TPST2: variants seen among roughly 807,000 people sequenced by gnomAD.
The protein encoded by TPST2 is protein-tyrosine sulfotransferase 2.
TPST2 carries 16 observed loss-of-function variants against 27.8 expected under a neutral mutation model. That is an observed-to-expected ratio of 0.58 (90% CI 0.39 to 0.88). The LOEUF is 0.88. Among genes scored for constraint, TPST2 ranks in the 40% least tolerant of loss-of-function variants. The probability of loss-of-function intolerance (pLI) is 0.00; values close to 1 mark genes in which losing one functional copy is unlikely to be tolerated. For synonymous variants in TPST2, 229 were observed against 231.7 expected, an observed-to-expected ratio of 0.99 and a Z score of 0.10; for missense variants, 464 against 543.1, an observed-to-expected ratio of 0.85 and a Z score of 1.45.
intron 1 of TPST2, among the ~76,000 whole-genome samples, chr22:26,556,483 T>A (rs1039479099): frequency 2.6e-5 from 4 of 152,134 alleles, no homozygotes; most frequent in African/African-American, 9.7e-5. Flanking sequence ...GAGGTTGCAG[T>A]GAGCCGAGAT....
chr22:26,530,186 A>G (rs11090444), intron 5 of TPST2, among the ~76,000 whole-genome samples: 14,895 of 152,078 alleles, frequency 0.098, 1,220 homozygotes, highest in South Asian at 0.3. Flanking sequence ...CGATCCTCCC[A>G]CCTCAGCCTC....
intron 1 of TPST2, among the ~76,000 whole-genome samples, chr22:26,580,538 T>C (rs1569197686): frequency 6.6e-6 from 1 of 152,170 alleles, no homozygotes; most frequent in Non-Finnish European, 1.5e-5. Flanking sequence ...GTTAATTACA[T>C]CCAGAACCCC....
chr22:26,544,528 G>T, intron 2 of TPST2, 76 bp downstream of exon 2: 1 of 819,594 alleles, frequency 1.2e-6, no homozygotes, highest in Non-Finnish European at 1.5e-6. Context: ...GAGGCTGGGG[G>T]CATGGAGGGG....
intron 1 of TPST2, chr22:26,555,253 GT>G (rs1342908120): frequency 1.9e-6 from 1 of 531,540 alleles, no homozygotes; most frequent in South Asian, 1.4e-5. Flanking sequence ...AAGTAATGCA[GT>G]TTTTGCCACT....
chr22:26,546,457 C>A (rs1351598670), intron 1 of TPST2, among the ~76,000 whole-genome samples: 1 of 152,236 alleles, frequency 6.6e-6, no homozygotes, highest in East Asian at 1.9e-4. Context: ...GCTCGCCCAG[C>A]TGCCCTCAGA....
Position 26,541,429 on chromosome 22 carries a change from T to C in TPST2, c.202A>G (p.Met68Val), listed in dbSNP as rs750960747. 1.3e-6 allele frequency: 2 copies of C among 1,584,472 alleles called. No homozygotes were observed. The highest frequency in any genetic ancestry group is 1.7e-6 in the Non-Finnish European group (2 of 1,164,594). ...ACGCCACCCACGAAGATGAGCGGCA[T>C]GGCCTTGCCATAGCGGTATTCCACG... ...NHVEYRYGKA[M>V]PLIFVGGVPR... The change falls in exon 3 of 7, where the codon ATG becomes GTG. Residue 68 changes from methionine (M) to valine (V), a missense_variant. Transcript: ENST00000338754. The surrounding 1 kb of genome is among the most constrained non-coding windows in gnomAD (Gnocchi z 5.9).
At position 26,528,995 on chromosome 22, in the gene TPST2, C is replaced by CAA. The variant is rs1240010678; in HGVS notation, c.1093-735_1093-734dup. Among the ~76,000 whole-genome samples, 8 of 123,222 alleles carry CAA rather than the reference C, an allele frequency of 6.5e-5. No individual in the cohort carries two copies. The South Asian group carries it at 1.2e-3, about 18-fold the overall frequency. 80.8% of individuals were successfully genotyped at this position (123,222 alleles called of 152,430 possible). A position where few individuals can be genotyped will look rare whatever the true frequency, so the allele number is the denominator to read the frequency against. On this transcript the variant is annotated intron_variant, in intron 5 of 6. Transcript: ENST00000338754. Reference sequence around the variant, plus strand: ...AGACTAGGTATCAAAAAAACAAAAACAAAAACAAAAAAAAAACAAAACGTA... The same window carrying CAA: ...AGACTAGGTATCAAAAAAACAAAAACAAAAAAACAAAAAAAAAACAAAACGTA...
At chr22:26,586,982 C>A (rs571044299) in intron 1 of TPST2, among the ~76,000 whole-genome samples, 25 of 152,322 alleles carry the variant, frequency 1.6e-4, no homozygotes, top group African/African-American at 5.1e-4. Context: ...TAACTCAGGA[C>A]TGCTCATCTC....
intron 1 of TPST2, among the ~76,000 whole-genome samples, chr22:26,552,107 G>A (rs1203628448): frequency 6.6e-6 from 1 of 151,906 alleles, no homozygotes. Context: ...CAAACTCCTG[G>A]GCTCAAGTAA....
intron 1 of TPST2, among the ~76,000 whole-genome samples, chr22:26,556,394 G>A (rs1926793877): frequency 6.6e-6 from 1 of 152,132 alleles, no homozygotes; most frequent in African/African-American, 2.4e-5. Context: ...AAAAAAATTA[G>A]CCAGGCGTGG....
chr22:26,587,322 G>C (rs1261512474), intron 1 of TPST2, among the ~76,000 whole-genome samples: 1 of 152,132 alleles, frequency 6.6e-6, no homozygotes, highest in Non-Finnish European at 1.5e-5. Context: ...GTAAGCCACT[G>C]GGTCCTACAC....
At chr22:26,555,924 T>G (rs530559335) in intron 1 of TPST2, among the ~76,000 whole-genome samples, 1 of 152,320 alleles carries the variant, frequency 6.6e-6, no homozygotes, top group Non-Finnish European at 1.5e-5. Context: ...ACACAGCAGG[T>G]GCAGGGCAGC....
Position 26,565,849 on chromosome 22 carries a change from A to T in TPST2, c.-160-21174T>A, listed in dbSNP as rs1416992252. 33 of 152,086 alleles carry T rather than the reference A, an allele frequency of 2.2e-4. 2 individuals carry two copies. Among genetic ancestry groups the T allele is most frequent in the Admixed American group, 2.2e-3 (33 of 15,252 alleles). The allele number at this position is 152,086 out of a possible 1,614,324, so 9.4% of individuals were successfully genotyped here. A position where few individuals can be genotyped will look rare whatever the true frequency, so the allele number is the denominator to read the frequency against. ...CTTAGTCCTTGAAACCCAGGGTAAAACTACTTTCAGCACATCTCAATTTGG... is the reference window on the plus strand; with the variant it reads ...CTTAGTCCTTGAAACCCAGGGTAAATCTACTTTCAGCACATCTCAATTTGG... On this transcript the variant is annotated intron_variant, in intron 1 of 6. Transcript: ENST00000338754.
At chr22:26,570,250 C>G (rs1454405307) in intron 1 of TPST2, among the ~76,000 whole-genome samples, 2 of 151,976 alleles carry the variant, frequency 1.3e-5, no homozygotes, top group Admixed American at 6.6e-5. Flanking sequence ...TCAACACTTG[C>G]AGGACGGCGC....
intron 1 of TPST2, among the ~76,000 whole-genome samples, chr22:26,563,213 G>T (rs764829976): frequency 3.9e-5 from 6 of 152,114 alleles, no homozygotes; most frequent in Non-Finnish European, 8.8e-5. Flanking sequence ...TTCTAGCACC[G>T]GGGCCAAATC....
At chr22:26,586,964 AGCGTCT>A (rs946335420) in intron 1 of TPST2, among the ~76,000 whole-genome samples, 19 of 152,272 alleles carry the variant, frequency 1.2e-4, no homozygotes, top group African/African-American at 4.6e-4. Flanking sequence ...TCACAGATGA[AGCGTCT>A]GTAACTCAGG....
At chr22:26,538,423 C>T (rs1925600792) in intron 3 of TPST2, among the ~76,000 whole-genome samples, 1 of 152,218 alleles carries the variant, frequency 6.6e-6, no homozygotes, top group African/African-American at 2.4e-5. Flanking sequence ...GAGGGCAATG[C>T]TTGATACATA....
intron 1 of TPST2, chr22:26,547,412 G>T (rs911836262): frequency 6.6e-6 from 1 of 152,032 alleles, no homozygotes; most frequent in Non-Finnish European, 1.5e-5. Flanking sequence ...TCCTTTTCTT[G>T]TAGGAGGAAT....
intron 1 of TPST2, among the ~76,000 whole-genome samples, chr22:26,548,578 AAAGG>A (rs34710156): frequency 1.4e-5 from 2 of 147,152 alleles, no homozygotes; most frequent in South Asian, 2.2e-4. Context: ...AGAGAAAGAA[AAAGG>A]AAGGAAGGAA....
Sources: gnomAD v4.1 joint callset for allele counts (sites outside exome capture counted in the v4.1 genomes callset) on GRCh38, gnomAD v4.1.1 for gene constraint, Gnocchi (gnomAD v3.1) non-coding constraint, MANE v1.5 for transcripts, NCBI Gene and HGNC (gene_info 2026-07-23, HGNC 2026-07-21) for gene names.